ANKHD1: variants seen among roughly 807,000 people sequenced by gnomAD.
ANKHD1 encodes the protein ankyrin repeat and KH domain containing 1.
A neutral mutation model predicts 230.5 loss-of-function variants in ANKHD1; 31 were observed. The ratio of observed to expected loss-of-function variants is 0.13; its 90% CI spans 0.10 to 0.18. The LOEUF (loss-of-function observed/expected upper bound fraction) is 0.18, where lower values mean the gene tolerates loss of function less well. Among genes scored for constraint, ANKHD1 ranks in the 10% least tolerant of loss-of-function variants. ANKHD1 has a pLI of 1.00. For missense variants in ANKHD1, 2,256 were observed against 3,071.3 expected (o/e 0.73, Z 6.27); for synonymous variants, 1,074 against 1,117.6 (o/e 0.96, Z 0.78).
chr5:140,434,335 C>T (rs1212249317), intron 1 of ANKHD1, among the ~76,000 whole-genome samples: 3 of 151,340 alleles, frequency 2.0e-5, no homozygotes, highest in Admixed American at 2.0e-4. Flanking sequence ...CTTAATCTTT[C>T]TGTTCCTGAT....
rs1753709814 is a variant in ANKHD1 at position 140,528,962 on chromosome 5, G to T, written c.6016G>T (p.Ala2006Ser). The change falls in exon 29 of 34, where the codon GCA (alanine) becomes TCA (serine). Residue 2006 changes from alanine to serine, a missense_variant. By Grantham distance (99) the Ala-to-Ser change is moderately conservative. Around this residue, in one of 13 missense-constraint regions of ANKHD1, gnomAD observed 778 missense variants for 966.5 expected, o/e 0.80. Coordinates refer to ENST00000360839, the MANE Select transcript of ANKHD1 (RefSeq NM_017747.3). ...GCAAGCTCCCACCACATTTCTACCT[G>T]CAAGTACTTCTCAAGCACAGCTTTC... ...SGQAPTTFLP[A>S]STSQAQLSSQ... 6.2e-7 allele frequency: 1 copy of T among 1,614,028 alleles called. No homozygotes were observed.
At chr5:140,473,992 C>T (rs1035491767) in intron 10 of ANKHD1, among the ~76,000 whole-genome samples, 2 of 152,192 alleles carry the variant, frequency 1.3e-5, no homozygotes, top group Non-Finnish European at 2.9e-5. Flanking sequence ...CCATATTTTA[C>T]ACTTTGAGAC....
At chr5:140,494,605 G>A (rs1241549997) in intron 14 of ANKHD1, among the ~76,000 whole-genome samples, 1 of 152,100 alleles carries the variant, frequency 6.6e-6, no homozygotes, top group African/African-American at 2.4e-5. Context: ...AATGACACAT[G>A]TTGCATATGT....
Position 140,458,774 on chromosome 5 carries a change from T to A in ANKHD1, c.1392T>A (p.Leu464=). 6.2e-7 allele frequency: 1 copy of A among 1,613,058 alleles called. No homozygotes were observed. Among genetic ancestry groups the A allele is most frequent in the Non-Finnish European group, 8.5e-7 (1 of 1,179,732 alleles). Residue 464 remains leucine (L), a synonymous_variant, in exon 8 of 34, where the codon CTT becomes CTA. Coordinates refer to ENST00000360839, the MANE Select transcript of ANKHD1 (RefSeq NM_017747.3). ...TACTTATTGAAAGGGGAGCAAATCT[T>A]GAAGAAGTTAATGATGAAGGATACA... is the stretch of plus-strand genomic sequence containing the variant. ...AALLIERGAN[L]EEVNDEGYTP... is the part of the protein sequence containing the mutation.
At chr5:140,510,293 C>G in intron 22 of ANKHD1, 112 bp downstream of exon 22, 1 of 967,696 alleles carries the variant, frequency 1.0e-6, no homozygotes, top group South Asian at 2.7e-5. Context: ...AGAAAAATCA[C>G]TGCTATCTTT....
chr5:140,510,592 C>G (rs938908824), intron 22 of ANKHD1, among the ~76,000 whole-genome samples: 1 of 151,350 alleles, frequency 6.6e-6, no homozygotes, highest in Non-Finnish European at 1.5e-5. Context: ...ATTACAGGCT[C>G]CCGACCTTAT....
chr5:140,444,276 A>C (rs947763303), intron 5 of ANKHD1, among the ~76,000 whole-genome samples: 1 of 152,062 alleles, frequency 6.6e-6, no homozygotes, highest in Non-Finnish European at 1.5e-5. Flanking sequence ...CTCATACTTC[A>C]TTGGGAAAAT....
chr5:140,489,971 T>C (rs1751695912), intron 14 of ANKHD1, among the ~76,000 whole-genome samples: 1 of 152,220 alleles, frequency 6.6e-6, no homozygotes, highest in Non-Finnish European at 1.5e-5. Flanking sequence ...AATCATTTAA[T>C]TATGGAAAAG....
chr5:140,446,818 C>CT (rs141287891), intron 6 of ANKHD1, among the ~76,000 whole-genome samples: 1,852 of 152,194 alleles, frequency 0.012, 42 homozygotes, highest in African/African-American at 0.042. Context: ...TAGTTATACT[C>CT]TAACAGTTTT....
At position 140,491,135 on chromosome 5, in the gene ANKHD1, T is replaced by TACACAC. The variant is rs759585504; in HGVS notation, c.2245+4080_2245+4081insCACACA. Among the ~76,000 whole-genome samples the TACACAC allele has an allele frequency of 1.3e-3, 97 of 75,060 alleles. 1 individual carries two copies. Among genetic ancestry groups the TACACAC allele is most frequent in the South Asian group, 3.9e-3 (7 of 1,780 alleles). 49.2% of individuals were successfully genotyped at this position (75,060 alleles called of 152,430 possible). On this transcript the variant is annotated intron_variant, in intron 14 of 33. Transcript: ENST00000360839. ...ACACACACACATATATATATATATA[T>TACACAC]ACACATATATATATATATATATATA...
rs1752511587 is a variant in ANKHD1, at chr5:140,505,855, G to A, written c.3394G>A (p.Gly1132Ser). Residue 1132 changes from glycine (G) to serine (S), a missense_variant, in exon 18 of 34, where the codon GGT becomes AGT. Physicochemically the swap from Gly to Ser is moderately conservative, Grantham distance 56. Around this residue, in one of 13 missense-constraint regions of ANKHD1, gnomAD observed 63 missense variants for 125.5 expected, o/e 0.50. Coordinates refer to ENST00000360839, the MANE Select transcript of ANKHD1 (RefSeq NM_017747.3). ...TACTCCGCTTTCATTGGCATGTTCT[G>A]GTGGACGTCAGGAGGTGTGTTAATG... ...KDTPLSLACS[G>S]GRQEVVDLLL... The A allele has an allele frequency of 6.3e-7, 1 of 1,592,818 alleles. No homozygotes were observed. The highest frequency in any genetic ancestry group is 1.4e-5 in the African/African-American group (1 of 73,204).
In ANKHD1 at chr5:140,449,393, G is replaced by A. The variant is rs561129452; in HGVS notation, c.1242+88G>A. 3,233 of 1,428,980 alleles carry A rather than the reference G, an allele frequency of 2.3e-3. 10 individuals are homozygous for A. The highest frequency in any genetic ancestry group is 3.0e-3 in the Middle Eastern group (15 of 4,964). 88.5% of individuals were successfully genotyped at this position (1,428,980 alleles called of 1,614,324 possible). ...TTTAAGAGTGATTAATTGCCAGTGC[G>A]GTGGCTCACGCCTGTAATCCCAGCA... On this transcript the variant is annotated intron_variant, in intron 7 of 33. Coordinates refer to ENST00000360839, the MANE Select transcript of ANKHD1 (RefSeq NM_017747.3).
At chr5:140,471,350 G>C (rs962395992) in intron 10 of ANKHD1, among the ~76,000 whole-genome samples, 1 of 152,150 alleles carries the variant, frequency 6.6e-6, no homozygotes, top group African/African-American at 2.4e-5. Flanking sequence ...GGAACTTCTT[G>C]ATAGGTTCCA....
intron 10 of ANKHD1, among the ~76,000 whole-genome samples, chr5:140,478,992 A>T (rs915098182): frequency 1.8e-4 from 8 of 44,164 alleles, no homozygotes; most frequent in Non-Finnish European, 2.4e-4. Context: ...TATTTTTTTT[A>T]ATTTTTATTT....
At chr5:140,504,621 G>A in intron 15 of ANKHD1, 200 bp from the exon 16 acceptor site, 2 of 677,650 alleles carry the variant, frequency 3.0e-6, no homozygotes, top group Admixed American at 3.6e-5. Flanking sequence ...TTGAAGCTCA[G>A]AGAAGTTAAA....
intron 10 of ANKHD1, among the ~76,000 whole-genome samples, chr5:140,477,738 A>G (rs529969470): frequency 1.8e-4 from 28 of 152,222 alleles, no homozygotes; most frequent in Admixed American, 1.2e-3. Flanking sequence ...CAGCCTCCCA[A>G]GTAGCTGGGA....
intron 10 of ANKHD1, among the ~76,000 whole-genome samples, chr5:140,479,119 C>T (rs1417069276): frequency 6.6e-6 from 1 of 151,976 alleles, no homozygotes; most frequent in Non-Finnish European, 1.5e-5. Flanking sequence ...CTGCCTCAGC[C>T]TCCTGAGTAA....
intron 20 of ANKHD1, among the ~76,000 whole-genome samples, chr5:140,509,013 C>T (rs75034728): frequency 6.6e-6 from 1 of 152,078 alleles, no homozygotes; most frequent in East Asian, 1.9e-4. Context: ...TACTTCTTCC[C>T]TGAAATTCCT....
chr5:140,475,417 G>C (rs1050267575), intron 10 of ANKHD1, among the ~76,000 whole-genome samples: 4 of 152,118 alleles, frequency 2.6e-5, no homozygotes, highest in Non-Finnish European at 5.9e-5. Context: ...TAGTCTACTT[G>C]AATAAAGCAA....
Sources: gnomAD v4.1 joint callset for allele counts (sites outside exome capture counted in the v4.1 genomes callset) on GRCh38, gnomAD v4.1.1 for gene constraint, gnomAD v4.1.1 regional missense constraint, MANE v1.5 for transcripts, NCBI Gene and HGNC (gene_info 2026-07-23, HGNC 2026-07-21) for gene names.